Variants in CPLANE1 observed in about 807,000 individuals in gnomAD.
The protein encoded by CPLANE1 is ciliogenesis and planar polarity effector complex subunit 1.
In CPLANE1, 263 loss-of-function variants were observed where a neutral mutation model predicts 362.5. The ratio of observed to expected loss-of-function variants is 0.73; its 90% CI spans 0.66 to 0.80. The LOEUF is 0.80. Among genes scored for constraint, CPLANE1 ranks in the 30% least tolerant of loss-of-function variants. CPLANE1 has a pLI of 0.00. For synonymous variants in CPLANE1, 1,212 were observed against 1,302.6 expected (o/e 0.93, Z 1.50); for missense variants, 3,461 against 3,793.4 (o/e 0.91, Z 2.30).
chr5:37,110,716 A>T (rs1758935688), intron 51 of CPLANE1, among the ~76,000 whole-genome samples: 1 of 152,082 alleles, frequency 6.6e-6, no homozygotes, highest in Non-Finnish European at 1.5e-5. Context: ...CCATTTTGCA[A>T]ATGAGGAAAG....
intron 46 of CPLANE1, among the ~76,000 whole-genome samples, chr5:37,132,059 G>T: frequency 6.6e-6 from 1 of 152,062 alleles, no homozygotes; most frequent in Non-Finnish European, 1.5e-5. Context: ...CATTAGTTTA[G>T]GAAGTTAGGG....
At chr5:37,213,861 T>G in intron 15 of CPLANE1, 129 bp from the exon 16 acceptor site, 1 of 582,652 alleles carries the variant, frequency 1.7e-6, no homozygotes, top group Non-Finnish European at 2.8e-6. Flanking sequence ...CCATGGCCAA[T>G]ACAAGCTGAA....
the CPLANE1 span, among the ~76,000 whole-genome samples, chr5:37,089,323 G>T: frequency 6.6e-6 from 1 of 152,254 alleles, no homozygotes; most frequent in Admixed American, 6.5e-5. Flanking sequence ...GGCCATCCCT[G>T]TTCATCTTTG....
chr5:37,076,204 T>TG, the CPLANE1 span, among the ~76,000 whole-genome samples: 1 of 149,674 alleles, frequency 6.7e-6, no homozygotes, highest in Non-Finnish European at 1.5e-5. Flanking sequence ...CAGTGGGCAA[T>TG]GATCACACCA....
At chr5:37,227,167 CAAGAGAAA>C (rs1413376205) in intron 11 of CPLANE1, 68 bp downstream of exon 11, 121 of 1,512,382 alleles carry the variant, frequency 8.0e-5, no homozygotes, top group Non-Finnish European at 1.0e-4. Context: ...TTCCCTTTAA[CAAGAGAAA>C]AACAGAATAT....
chr5:37,199,600 G>C (rs1257086170), intron 19 of CPLANE1, among the ~76,000 whole-genome samples: 1 of 152,200 alleles, frequency 6.6e-6, no homozygotes, highest in Non-Finnish European at 1.5e-5. Context: ...CTGATACATA[G>C]TAGGACCCAA....
intron 38 of CPLANE1, among the ~76,000 whole-genome samples, chr5:37,161,944 A>T (rs907144820): frequency 2.0e-5 from 3 of 152,260 alleles, no homozygotes; most frequent in Non-Finnish European, 2.9e-5. Flanking sequence ...ATCATAAAAA[A>T]GAATTTCTGT....
intron 32 of CPLANE1, among the ~76,000 whole-genome samples, chr5:37,170,556 C>T (rs1352647753): frequency 6.6e-6 from 1 of 151,656 alleles, no homozygotes; most frequent in Non-Finnish European, 1.5e-5. Context: ...TACTCACTTG[C>T]GAATGAAACT....
In CPLANE1 at chr5:37,107,260, C is replaced by A; in HGVS notation, c.*342G>T. On this transcript the variant is annotated 3_prime_UTR_variant, in exon 53 of 53. Transcript: ENST00000651892. ...CTGTATATGGTTGTTTCTCAAAACT[C>A]AGAGGGTAATAAAGGAGGAGGCAAG... 1 of 1,026,464 alleles carries A rather than the reference C, an allele frequency of 9.7e-7. No homozygotes were observed. Among genetic ancestry groups the A allele is most frequent in the Non-Finnish European group, 1.2e-6 (1 of 857,856 alleles). The allele number at this position is 1,026,464 out of a possible 1,614,324, so 63.6% of individuals were successfully genotyped here.
intron 38 of CPLANE1, among the ~76,000 whole-genome samples, chr5:37,158,968 TAG>T (rs766065031): frequency 3.6e-4 from 54 of 151,726 alleles, no homozygotes; most frequent in Non-Finnish European, 6.3e-4. Flanking sequence ...GTATTTTTAA[TAG>T]AGACAGGATT....
At position 37,184,739 on chromosome 5, in the gene CPLANE1, T is replaced by C. The variant is rs561601447; in HGVS notation, c.4481+49A>G. On this transcript the variant is annotated intron_variant, in intron 25 of 52. Coordinates refer to ENST00000651892, the MANE Select transcript of CPLANE1 (RefSeq NM_001384732.1). ...ATCAGCTCATCAGATGCCTGAAAGC[T>C]ACTTTTCAAAGGAAGTGAATGCCAG... 8 of 1,529,898 alleles carry C rather than the reference T, an allele frequency of 5.2e-6. No homozygotes were observed. In the Admixed American group the frequency reaches 1.6e-4, roughly 30 times the overall value. 94.8% of individuals were successfully genotyped at this position (1,529,898 alleles called of 1,614,324 possible).
At chr5:37,131,815 C>A (rs1765918277) in intron 46 of CPLANE1, among the ~76,000 whole-genome samples, 1 of 152,034 alleles carries the variant, frequency 6.6e-6, no homozygotes, top group Non-Finnish European at 1.5e-5. Context: ...TAGGCGTGAG[C>A]CACCGCGCCA....
chr5:37,210,746 T>C (rs1323104255), intron 16 of CPLANE1: 3 of 1,568,168 alleles, frequency 1.9e-6, no homozygotes, highest in Non-Finnish European at 1.8e-6. Context: ...TGGAAGAGAG[T>C]AGAAATGAAA....
At chr5:37,179,992 A>T in intron 28 of CPLANE1, 25 bp downstream of exon 28, 6 of 1,497,100 alleles carry the variant, frequency 4.0e-6, no homozygotes, top group Non-Finnish European at 5.3e-6. Flanking sequence ...AAAGCCAAAA[A>T]AATAGATTAT....
intron 15 of CPLANE1, among the ~76,000 whole-genome samples, chr5:37,219,124 C>T: frequency 6.6e-6 from 1 of 152,052 alleles, no homozygotes; most frequent in Non-Finnish European, 1.5e-5. Context: ...ACCTATAACC[C>T]CAGCATTTTG....
At chr5:37,152,083 C>T (rs149488142) in intron 42 of CPLANE1, among the ~76,000 whole-genome samples, 282 of 152,262 alleles carry the variant, frequency 1.9e-3, no homozygotes, top group Non-Finnish European at 3.1e-3. Context: ...TGTCAACATG[C>T]TAGCAACCTG....
chr5:37,168,783 T>C lies in CPLANE1; in HGVS notation c.7233+8A>G, dbSNP rs1778984911. 1.2e-6 allele frequency: 2 copies of C among 1,606,244 alleles called. No homozygotes were observed. Among genetic ancestry groups the C allele is most frequent in the Non-Finnish European group, 1.7e-6 (2 of 1,175,446 alleles). ...CTGCTTTTGCATTACCATACAAAAATTCATTACCCTATTTTCTGGGGACAA... is the reference window on the plus strand; with the variant it reads ...CTGCTTTTGCATTACCATACAAAAACTCATTACCCTATTTTCTGGGGACAA... On this transcript the variant is annotated splice_region_variant and intron_variant, in intron 34 of 52. Transcript: ENST00000651892.
intron 42 of CPLANE1, among the ~76,000 whole-genome samples, chr5:37,153,331 T>C (rs1774102423): frequency 6.6e-6 from 1 of 152,136 alleles, no homozygotes; most frequent in Non-Finnish European, 1.5e-5. Flanking sequence ...TTTTCCAAAA[T>C]ATAGAAGAGA....
chr5:37,153,032 AATG>A (rs1774013460), intron 42 of CPLANE1, among the ~76,000 whole-genome samples: 1 of 152,244 alleles, frequency 6.6e-6, no homozygotes, highest in African/African-American at 2.4e-5. Context: ...TTCAGAGAAA[AATG>A]ATAATTACAA....
Sources: allele counts gnomAD v4.1 joint callset (sites outside exome capture counted in the v4.1 genomes callset), GRCh38; gene constraint gnomAD v4.1.1; transcripts MANE v1.5; gene names NCBI Gene and HGNC (gene_info 2026-07-23, HGNC 2026-07-21).